Variants in B3GALT1 observed in about 807,000 individuals in gnomAD.
B3GALT1 encodes UDP-Gal:betaGlcNAc beta 1,3-galactosyltransferase, polypeptide 1.
In B3GALT1, 10 loss-of-function variants were observed where a neutral mutation model predicts 23.2. That is an observed-to-expected ratio of 0.43 (90% CI 0.27 to 0.73). B3GALT1 has a LOEUF of 0.73. B3GALT1 is among the 30% of genes least tolerant of loss of function. B3GALT1 has a pLI of 0.21. For missense variants in B3GALT1, 299 were observed against 405.4 expected (o/e 0.74, Z 2.25); for synonymous variants, 156 against 141.5 (o/e 1.10, Z -0.73).
intron 1 of B3GALT1, among the ~76,000 whole-genome samples, chr2:167,467,360 ATTT>A (rs1308428938): frequency 6.6e-6 from 1 of 152,156 alleles, no homozygotes; most frequent in Admixed American, 6.5e-5. Flanking sequence ...TCAAAAATAG[ATTT>A]TTGGCAACCA....
chr2:167,808,598 A>G (rs1201217136), intron 3 of B3GALT1, among the ~76,000 whole-genome samples: 1 of 151,880 alleles, frequency 6.6e-6, no homozygotes, highest in African/African-American at 2.4e-5. Flanking sequence ...CTTTAAGAAT[A>G]TTGAATGTTG....
At chr2:167,403,598 C>T (rs1374078882) in intron 1 of B3GALT1, among the ~76,000 whole-genome samples, 3 of 151,960 alleles carry the variant, frequency 2.0e-5, no homozygotes, top group South Asian at 2.1e-4. Context: ...TTATGATTTG[C>T]ATAATCTGAT....
chr2:167,510,402 G>GTTT (rs1483182537), intron 2 of B3GALT1, among the ~76,000 whole-genome samples: 3 of 135,214 alleles, frequency 2.2e-5, no homozygotes, highest in African/African-American at 8.4e-5. Context: ...ATGATTGCAA[G>GTTT]TTTTGTTTTT....
intron 2 of B3GALT1, among the ~76,000 whole-genome samples, chr2:167,505,180 C>T (rs1456784846): frequency 6.6e-6 from 1 of 152,096 alleles, no homozygotes; most frequent in East Asian, 1.9e-4. Context: ...TGCTGGATAT[C>T]TTTGGAGGGT....
intron 1 of B3GALT1, among the ~76,000 whole-genome samples, chr2:167,405,264 A>G (rs939980590): frequency 5.3e-5 from 8 of 152,174 alleles, no homozygotes; most frequent in Non-Finnish European, 1.0e-4. Context: ...ATTTAATTCT[A>G]TATCAGTAGT....
intron 3 of B3GALT1, among the ~76,000 whole-genome samples, chr2:167,665,023 G>A (rs559914100): frequency 0.016 from 2,417 of 151,698 alleles, 59 homozygotes; most frequent in African/African-American, 0.055. Context: ...GTGAGAGAGG[G>A]CATCCCTGTC....
Position 167,529,116 on chromosome 2 carries a change from A to G in B3GALT1, c.-410+38839A>G, listed in dbSNP as rs1223830364. Among the ~76,000 whole-genome samples, 2 of 152,096 alleles carry G rather than the reference A, an allele frequency of 1.3e-5. 1 individual carries two copies. Among genetic ancestry groups the G allele is most frequent in the Non-Finnish European group, 2.9e-5 (2 of 68,008 alleles). On this transcript the variant is annotated intron_variant, in intron 2 of 4. Coordinates refer to ENST00000392690, the MANE Select transcript of B3GALT1 (RefSeq NM_020981.4). ...TTTTCATTTACTTTATGTGTCAAAA[A>G]ATTTGACACTTTGATCACTCCGTCC...
Position 167,300,727 on chromosome 2 carries a change from A to G in B3GALT1, c.-511+7393A>G, listed in dbSNP as rs539858282. On this transcript the variant is annotated intron_variant, in intron 1 of 4. Transcript: ENST00000392690. Reference sequence around the variant, plus strand: ...CTGAATAATTATTTGTGAAAAATGTAAACTCCCTACCTCACACTGCATTCT... The same window carrying G: ...CTGAATAATTATTTGTGAAAAATGTGAACTCCCTACCTCACACTGCATTCT... Among the ~76,000 whole-genome samples the G allele has an allele frequency of 1.4e-4, 22 of 152,322 alleles. No individual in the cohort carries two copies. In the South Asian group the frequency reaches 4.6e-3, roughly 32 times the overall value.
At chr2:167,648,663 A>G (rs1685799781) in intron 3 of B3GALT1, among the ~76,000 whole-genome samples, 2 of 152,084 alleles carry the variant, frequency 1.3e-5, no homozygotes, top group African/African-American at 2.4e-5. Context: ...TTTTAGTGGC[A>G]TTTTGTTTAG....
At chr2:167,357,604 A>G (rs967054994) in intron 1 of B3GALT1, among the ~76,000 whole-genome samples, 2 of 152,146 alleles carry the variant, frequency 1.3e-5, no homozygotes, top group African/African-American at 4.8e-5. Context: ...AAGCCAATCT[A>G]TTCTGTCAGG....
At chr2:167,393,614 A>G (rs959038790) in intron 1 of B3GALT1, among the ~76,000 whole-genome samples, 9 of 152,242 alleles carry the variant, frequency 5.9e-5, no homozygotes, top group African/African-American at 2.2e-4. Context: ...TTAAATTTCT[A>G]CATTCCTCCT....
intron 2 of B3GALT1, among the ~76,000 whole-genome samples, chr2:167,535,359 C>G (rs528155074): frequency 1.3e-5 from 2 of 151,878 alleles, no homozygotes; most frequent in African/African-American, 4.8e-5. Context: ...GTGTACCAGC[C>G]CATCATGGGA....
At chr2:167,532,375 A>G (rs1683340300) in intron 2 of B3GALT1, among the ~76,000 whole-genome samples, 1 of 152,220 alleles carries the variant, frequency 6.6e-6, no homozygotes, top group Admixed American at 6.5e-5. Flanking sequence ...CCCTGTCCAA[A>G]CATTTGCTAA....
chr2:167,568,398 T>C (rs1684218127), intron 2 of B3GALT1, among the ~76,000 whole-genome samples: 1 of 152,004 alleles, frequency 6.6e-6, no homozygotes, highest in Non-Finnish European at 1.5e-5. Context: ...CTCATCAGCA[T>C]TTGATGTTGT....
chr2:167,836,581 G>C (rs2105388851), intron 4 of B3GALT1, among the ~76,000 whole-genome samples: 1 of 152,270 alleles, frequency 6.6e-6, no homozygotes, highest in Admixed American at 6.5e-5. Flanking sequence ...GGGGAGAATG[G>C]AACCAAGTTG....
intron 2 of B3GALT1, among the ~76,000 whole-genome samples, chr2:167,558,639 C>A (rs566472294): frequency 1.3e-5 from 2 of 152,156 alleles, no homozygotes; most frequent in Non-Finnish European, 1.5e-5. Flanking sequence ...TAGGAAATGG[C>A]GCACCAGGAG....
chr2:167,442,124 G>A (rs200961709), intron 1 of B3GALT1, among the ~76,000 whole-genome samples: 2 of 149,890 alleles, frequency 1.3e-5, no homozygotes, highest in Admixed American at 6.7e-5. Flanking sequence ...GTGAGAATAT[G>A]CACTGTTTGG....
intron 1 of B3GALT1, among the ~76,000 whole-genome samples, chr2:167,387,441 T>C (rs1369390994): frequency 1.3e-5 from 2 of 152,194 alleles, no homozygotes; most frequent in Admixed American, 6.5e-5. Context: ...TAAAGTCTCA[T>C]TGTGGCTTCT....
Position 167,869,119 on chromosome 2 carries a change from G to T in B3GALT1, c.80G>T (p.Arg27Leu). 6.2e-7 allele frequency: 1 copy of T among 1,614,050 alleles called. No homozygotes were observed. Reference protein sequence around the residue: ...ASALWYLSITRPTSSYTGSKP... With the variant: ...ASALWYLSITLPTSSYTGSKP... ...GCTCTCTGGTACTTGAGTATAACTCGCCCTACTTCTTCTTACACTGGCTCC... is the reference window on the plus strand; with the variant it reads ...GCTCTCTGGTACTTGAGTATAACTCTCCCTACTTCTTCTTACACTGGCTCC... The change falls in exon 5 of 5, where the codon CGC becomes CTC. Residue 27 changes from arginine to leucine, a missense_variant. Physicochemically the swap from Arg to Leu is moderately radical, Grantham distance 102 (BLOSUM62 -2). Around this residue, in one of 3 missense-constraint regions of B3GALT1, gnomAD observed 162 missense variants for 184.1 expected, o/e 0.88. Transcript: ENST00000392690. This position sits in a 1 kb window ranked among gnomAD's most constrained non-coding sequence, Gnocchi z 6.4.
Sources: allele counts gnomAD v4.1 joint callset (sites outside exome capture counted in the v4.1 genomes callset), GRCh38; gene constraint gnomAD v4.1.1; regional missense constraint gnomAD v4.1.1; non-coding constraint Gnocchi (gnomAD v3.1); transcripts MANE v1.5; gene names NCBI Gene and HGNC (gene_info 2026-07-23, HGNC 2026-07-21).